Variants in AGPAT4 observed in about 807,000 individuals in gnomAD.
AGPAT4 encodes 1-acyl-sn-glycerol-3-phosphate acyltransferase delta.
A neutral mutation model predicts 48.0 loss-of-function variants in AGPAT4; 15 were observed. The observed-to-expected ratio is 0.31, with a 90% CI of 0.21 to 0.48. AGPAT4 has a LOEUF of 0.48. AGPAT4 is among the 20% of genes least tolerant of loss of function. The pLI, the probability that AGPAT4 is intolerant of heterozygous loss-of-function variation, is 0.99. For synonymous variants in AGPAT4, 178 were observed against 198.7 expected (o/e 0.90, Z 0.88); for missense variants, 314 against 482.5 (o/e 0.65, Z 3.27).
At position 161,146,107 on chromosome 6, in the gene AGPAT4, G is replaced by T. The variant is rs1208092539; in HGVS notation, c.843+417C>A. Among the ~76,000 whole-genome samples the T allele has an allele frequency of 7.9e-5, 12 of 151,582 alleles. No homozygotes were observed. Among genetic ancestry groups the T allele is most frequent in the Non-Finnish European group, 2.9e-5 (2 of 68,026 alleles). On this transcript the variant is annotated intron_variant, in intron 7 of 8. Coordinates refer to ENST00000320285, the MANE Select transcript of AGPAT4 (RefSeq NM_020133.3). This position sits in a 1 kb window ranked among gnomAD's most constrained non-coding sequence, Gnocchi z 7.1. ...TTCGAACCCAGCCAAGACCAAGGTG[G>T]ATCCTTGTAGGGCTTTATCCTGCTT...
In AGPAT4 at chr6:161,222,419, A is replaced by C. The variant is rs1304518078; in HGVS notation, c.178+9617T>G. On this transcript the variant is annotated intron_variant, in intron 2 of 8. Transcript: ENST00000320285. This position sits in a 1 kb window ranked among gnomAD's most constrained non-coding sequence, Gnocchi z 5.9. ...TAATTCCTAAAAATAGCACTTTGAC[A>C]ACTTTACTTCCAGTCTATATTTATA... is the stretch of plus-strand genomic sequence containing the variant. 6.6e-6 allele frequency among the ~76,000 whole-genome samples: 1 copy of C among 152,236 alleles called. No individual in the cohort carries two copies. The highest frequency in any genetic ancestry group is 1.5e-5 in the Non-Finnish European group (1 of 68,046).
chr6:161,135,044 T>G lies in AGPAT4; in HGVS notation c.*1496A>C, dbSNP rs1441998316. The G allele has an allele frequency of 6.6e-6, 1 of 152,214 alleles. No individual in the cohort carries two copies. Among genetic ancestry groups the G allele is most frequent in the Non-Finnish European group, 1.5e-5 (1 of 68,050 alleles). 9.4% of individuals were successfully genotyped at this position (152,214 alleles called of 1,614,324 possible). On this transcript the variant is annotated 3_prime_UTR_variant, in exon 9 of 9. Transcript: ENST00000320285. ...TTATTGTCCTGTAAGCAGAGGGAGCTTCTCTAGAGCTGTCTTGTAACTCCT... is the reference window on the plus strand; with the variant it reads ...TTATTGTCCTGTAAGCAGAGGGAGCGTCTCTAGAGCTGTCTTGTAACTCCT...
At chr6:161,174,252 A>G (rs1393032528) in intron 2 of AGPAT4, among the ~76,000 whole-genome samples, 2 of 152,092 alleles carry the variant, frequency 1.3e-5, no homozygotes, top group Non-Finnish European at 1.5e-5. Context: ...GGCCATTTTC[A>G]CGATATTTAT....
At position 161,220,608 on chromosome 6, in the gene AGPAT4, A is replaced by C. The variant is rs1425149164; in HGVS notation, c.178+11428T>G. 6.6e-6 allele frequency among the ~76,000 whole-genome samples: 1 copy of C among 152,118 alleles called. No individual in the cohort carries two copies. Among genetic ancestry groups the C allele is most frequent in the Non-Finnish European group, 1.5e-5 (1 of 68,020 alleles). On this transcript the variant is annotated intron_variant, in intron 2 of 8. Coordinates refer to ENST00000320285, the MANE Select transcript of AGPAT4 (RefSeq NM_020133.3). This position sits in a 1 kb window ranked among gnomAD's most constrained non-coding sequence, Gnocchi z 6.0. Reference sequence around the variant, plus strand: ...AGACGCTGCCAGTAAGACAGAACCGAATATTGCAAAATGGGTAGGCAATGC... The same window carrying C: ...AGACGCTGCCAGTAAGACAGAACCGCATATTGCAAAATGGGTAGGCAATGC...
chr6:161,207,475 G>A (rs1046959546), intron 2 of AGPAT4, among the ~76,000 whole-genome samples: 2 of 152,182 alleles, frequency 1.3e-5, no homozygotes, highest in African/African-American at 2.4e-5. Context: ...TTAGTAAGAA[G>A]ATAAAACAAG....
In AGPAT4 at chr6:161,270,879, C is replaced by T. The variant is rs75039810; in HGVS notation, c.-90+3059G>A. Among the ~76,000 whole-genome samples, 1 of 152,132 alleles carries T rather than the reference C, an allele frequency of 6.6e-6. No homozygotes were observed. Among genetic ancestry groups the T allele is most frequent in the African/African-American group, 2.4e-5 (1 of 41,430 alleles). ...CACAAAACGTGTGACATTTACCAAA[C>T]CCTCATTTGAGCATCCAATAATTTA... On this transcript the variant is annotated intron_variant, in intron 1 of 8. Coordinates refer to ENST00000320285, the MANE Select transcript of AGPAT4 (RefSeq NM_020133.3). The surrounding 1 kb of genome is among the most constrained non-coding windows in gnomAD (Gnocchi z 5.3).
chr6:161,265,038 T>C (rs529826321), intron 1 of AGPAT4, among the ~76,000 whole-genome samples: 1 of 152,282 alleles, frequency 6.6e-6, no homozygotes, highest in Non-Finnish European at 1.5e-5. Context: ...TGGGGATGGA[T>C]GCTAGGAGGC....
In AGPAT4 at chr6:161,189,011, G is replaced by A. The variant is rs377110469; in HGVS notation, c.179-22594C>T. Among the ~76,000 whole-genome samples the A allele has an allele frequency of 5.3e-4, 81 of 152,158 alleles. No individual in the cohort carries two copies. Among genetic ancestry groups the A allele is most frequent in the African/African-American group, 1.7e-3 (71 of 41,426 alleles). On this transcript the variant is annotated intron_variant, in intron 2 of 8. Transcript: ENST00000320285. The surrounding 1 kb of genome is among the most constrained non-coding windows in gnomAD (Gnocchi z 5.3). ...CTCTTGCTTTGCTGGCCTCGTGCAC[G>A]TGCAGAACACGTGTTTCTTAGAATC...
chr6:161,259,875 C>A lies in AGPAT4; in HGVS notation c.-90+14063G>T, dbSNP rs1397060826. On this transcript the variant is annotated intron_variant, in intron 1 of 8. Transcript: ENST00000320285. The surrounding 1 kb of genome is among the most constrained non-coding windows in gnomAD (Gnocchi z 4.9). ...CCATGGTATCTATGTGCACGCTGCACCCCCAGGGCCGAGTCGTAAGTTCAC... is the reference window on the plus strand; with the variant it reads ...CCATGGTATCTATGTGCACGCTGCAACCCCAGGGCCGAGTCGTAAGTTCAC... Among the ~76,000 whole-genome samples the A allele has an allele frequency of 6.6e-6, 1 of 152,182 alleles. No homozygotes were observed. Among genetic ancestry groups the A allele is most frequent in the Non-Finnish European group, 1.5e-5 (1 of 68,032 alleles).
At chr6:161,205,413 T>A (rs1036498413) in intron 2 of AGPAT4, among the ~76,000 whole-genome samples, 2 of 152,078 alleles carry the variant, frequency 1.3e-5, no homozygotes, top group Non-Finnish European at 2.9e-5. Context: ...TGCTGAACGA[T>A]AACTCAGGCA....
rs762101800 is a variant in AGPAT4 at position 161,139,620 on chromosome 6, C to A, written c.844G>T (p.Asp282Tyr). 1 of 1,597,364 alleles carries A rather than the reference C, an allele frequency of 6.3e-7. No individual in the cohort carries two copies. Among genetic ancestry groups the A allele is most frequent in the Non-Finnish European group, 8.6e-7 (1 of 1,168,026 alleles). The change falls in exon 8 of 9, where the codon GAT becomes TAT. Residue 282 changes from aspartate to tyrosine, a missense_variant and splice_region_variant. Physicochemically the swap from Asp to Tyr is radical, Grantham distance 160. Transcript: ENST00000320285. This position sits in a 1 kb window ranked among gnomAD's most constrained non-coding sequence, Gnocchi z 9.1. ...CTGTAGTACTCCTCCTGAAAGGCAT[C>A]CTGGGGGACAGGAAAGAGGACCCTC... ...AWLHKLYQEK[D>Y]AFQEEYYRTG...
chr6:161,223,191 T>A lies in AGPAT4; in HGVS notation c.178+8845A>T, dbSNP rs1289370364. ...GGACAGCAGCTGCACCCCTCTCATCTCTGTTCTCCAGGTGCTGACCCCAGT... is the reference window on the plus strand; with the variant it reads ...GGACAGCAGCTGCACCCCTCTCATCACTGTTCTCCAGGTGCTGACCCCAGT... On this transcript the variant is annotated intron_variant, in intron 2 of 8. Coordinates refer to ENST00000320285, the MANE Select transcript of AGPAT4 (RefSeq NM_020133.3). This position sits in a 1 kb window ranked among gnomAD's most constrained non-coding sequence, Gnocchi z 6.3. Among the ~76,000 whole-genome samples, 1 of 152,098 alleles carries A rather than the reference T, an allele frequency of 6.6e-6. No homozygotes were observed. The highest frequency in any genetic ancestry group is 1.5e-5 in the Non-Finnish European group (1 of 68,022).
intron 2 of AGPAT4, among the ~76,000 whole-genome samples, chr6:161,173,174 G>A (rs566365886): frequency 6.6e-6 from 1 of 152,178 alleles, no homozygotes; most frequent in Non-Finnish European, 1.5e-5. Context: ...CGGGATGGCT[G>A]GGTCAAATGT....
rs1355748193 is a variant in AGPAT4, at chr6:161,141,580, GTTTT to G, written c.844-1964_844-1961del. ...AAGGGGGGTGATATTTTTGTGCCTT[GTTTT>G]TTTTTAAAAAAAAAACAGCTTTCTT... On this transcript the variant is annotated intron_variant, in intron 7 of 8. Coordinates refer to ENST00000320285, the MANE Select transcript of AGPAT4 (RefSeq NM_020133.3). This position sits in a 1 kb window ranked among gnomAD's most constrained non-coding sequence, Gnocchi z 6.7. Among the ~76,000 whole-genome samples, 1 of 149,444 alleles carries G rather than the reference GTTTT, an allele frequency of 6.7e-6. No homozygotes were observed. The highest frequency in any genetic ancestry group is 6.7e-5 in the Admixed American group (1 of 14,992).
chr6:161,200,456 A>G lies in AGPAT4; in HGVS notation c.178+31580T>C, dbSNP rs1347015537. Among the ~76,000 whole-genome samples the G allele has an allele frequency of 2.0e-5, 3 of 152,192 alleles. No homozygotes were observed. In the East Asian group the frequency reaches 5.8e-4, roughly 29 times the overall value. On this transcript the variant is annotated intron_variant, in intron 2 of 8. Transcript: ENST00000320285. The surrounding 1 kb of genome is among the most constrained non-coding windows in gnomAD (Gnocchi z 5.5). ...AACCACAGTACAATCCTAATTATCT[A>G]TGAGAAGGCCTGCACTCTCTGGCTT...
At position 161,135,543 on chromosome 6, in the gene AGPAT4, C is replaced by T. The variant is rs1779037264; in HGVS notation, c.*997G>A. The stretch of plus-strand genomic sequence containing the variant: ...ATGGGATGTCGGCTCTGATTTGACC[C>T]TCATCAGAGCAGGACCTGGCTCCTT... On this transcript the variant is annotated 3_prime_UTR_variant, in exon 9 of 9. Transcript: ENST00000320285. 1.3e-5 allele frequency: 2 copies of T among 152,188 alleles called. No homozygotes were observed. The highest frequency in any genetic ancestry group is 4.8e-5 in the African/African-American group (2 of 41,418). 9.4% of individuals were successfully genotyped at this position (152,188 alleles called of 1,614,324 possible). A position where few individuals can be genotyped will look rare whatever the true frequency, so the allele number is the denominator to read the frequency against.
Position 161,134,403 on chromosome 6 carries a change from A to AAAT in AGPAT4, c.*2134_*2136dup, listed in dbSNP as rs1277888736. On this transcript the variant is annotated 3_prime_UTR_variant, in exon 9 of 9. Transcript: ENST00000320285. ...TTGAATGGAAGAATGAAAATGAGAA[A>AAAT]AATAACACATTTTTAGTACGACAAG... 12 of 152,318 alleles carry AAAT rather than the reference A, an allele frequency of 7.9e-5. No individual in the cohort carries two copies. Among genetic ancestry groups the AAAT allele is most frequent in the African/African-American group, 2.6e-4 (11 of 41,562 alleles). The allele number at this position is 152,318 out of a possible 1,614,324, so 9.4% of individuals were successfully genotyped here.
rs1160960867 is a variant in AGPAT4, at chr6:161,215,883, A to G, written c.178+16153T>C. ...TTTCAAACTATACATCAAATTGAGT[A>G]GAGCAGACATAGTCAAGTTTATCTA... is the stretch of plus-strand genomic sequence containing the variant. On this transcript the variant is annotated intron_variant, in intron 2 of 8. Transcript: ENST00000320285. This position sits in a 1 kb window ranked among gnomAD's most constrained non-coding sequence, Gnocchi z 4.5. Among the ~76,000 whole-genome samples, 1 of 152,174 alleles carries G rather than the reference A, an allele frequency of 6.6e-6. No homozygotes were observed.
At position 161,232,001 on chromosome 6, in the gene AGPAT4, A is replaced by G. The variant is rs376066351; in HGVS notation, c.178+35T>C. ...CATAATTCTGATACACACATCCACA[A>G]TGGAGACGAAAATATAGAATCTTAA... On this transcript the variant is annotated intron_variant, in intron 2 of 8. Transcript: ENST00000320285. This position sits in a 1 kb window ranked among gnomAD's most constrained non-coding sequence, Gnocchi z 6.8. 5.6e-6 allele frequency: 9 copies of G among 1,604,428 alleles called. No individual in the cohort carries two copies. The African/African-American group carries it at 6.7e-5, about 12-fold the overall frequency.
Sources: gnomAD v4.1 joint callset for allele counts (sites outside exome capture counted in the v4.1 genomes callset) on GRCh38, gnomAD v4.1.1 for gene constraint, Gnocchi (gnomAD v3.1) non-coding constraint, MANE v1.5 for transcripts, NCBI Gene and HGNC (gene_info 2026-07-23, HGNC 2026-07-21) for gene names.